The following DOK7 variants were observed in gnomAD, a reference collection of about 807,000 sequenced individuals.
The protein encoded by DOK7 is docking protein 7.
In DOK7, 32 loss-of-function variants were observed where a neutral mutation model predicts 30.7. That is an observed-to-expected ratio of 1.04 (90% CI 0.79 to 1.40). The LOEUF (loss-of-function observed/expected upper bound fraction) is 1.40. Ranked by LOEUF, DOK7 falls within the 40% of genes most tolerant of loss-of-function variation. DOK7 has a pLI of 0.00. For missense variants in DOK7, 1,007 were observed against 699.2 expected, an observed-to-expected ratio of 1.44 and a Z score of -4.97; for synonymous variants, 447 against 324.1, an observed-to-expected ratio of 1.38 and a Z score of -4.07.
chr4:3,499,268 C>T (rs926659378), downstream of DOK7, among the ~76,000 whole-genome samples: 16 of 152,092 alleles, frequency 1.1e-4, no homozygotes, highest in African/African-American at 2.9e-4. Context: ...TCTGAGGGCT[C>T]GGAGTGTGCT....
intron 2 of DOK7, among the ~76,000 whole-genome samples, chr4:3,465,366 A>G (rs1726208539): frequency 6.6e-6 from 1 of 152,176 alleles, no homozygotes; most frequent in Non-Finnish European, 1.5e-5. Context: ...CTTCCCGCTC[A>G]GCGCTGGAGA....
At chr4:3,501,050 G>A in exon 8 of DOK7, 1 of 665,430 alleles carries the variant, frequency 1.5e-6, no homozygotes, top group Non-Finnish European at 2.4e-6. Context: ...CGGCCTGAAA[G>A]AGTTGCTCTG....
In DOK7 at chr4:3,464,272, C is replaced by T. The variant is rs541369112; in HGVS notation, c.100+721C>T. ...GCATGGGGGGCTGTACGCCAGGGGG[C>T]TGCCAGAGCACCCTCCAGGACGGGT... On this transcript the variant is annotated intron_variant, in intron 2 of 6. Coordinates refer to ENST00000340083, the MANE Select transcript of DOK7 (RefSeq NM_173660.5). Among the ~76,000 whole-genome samples, 93 of 152,298 alleles carry T rather than the reference C, an allele frequency of 6.1e-4. 1 individual carries two copies. Among genetic ancestry groups the T allele is most frequent in the Non-Finnish European group, 1.0e-3 (70 of 68,002 alleles).
At chr4:3,484,955 GCA>G in intron 4 of DOK7, 1 of 880,046 alleles carries the variant, frequency 1.1e-6, no homozygotes, top group Non-Finnish European at 1.4e-6. Context: ...GCTCCAGGTG[GCA>G]CAGCTCCCTT....
At chr4:3,496,975 C>T, downstream of DOK7, 1 of 856,184 alleles carries the variant, frequency 1.2e-6, no homozygotes, top group South Asian at 1.6e-5. Flanking sequence ...GGTGGGGGGC[C>T]CACTGCCAGC....
rs756540534 is a variant in DOK7, at chr4:3,493,183, C to T, written c.1197C>T (p.Thr399=). The part of the protein sequence containing the change: ...LPGTVEYQVP[T]SLRAHYDTPR... ...GGACAGTCGAGTACCAGGTGCCCAC[C>T]TCCCTGCGGGCCCACTATGACACAC... Residue 399 remains threonine (T), a synonymous_variant, in exon 7 of 7, where the codon ACC becomes ACT. Transcript: ENST00000340083. 7 of 1,610,134 alleles carry T rather than the reference C, an allele frequency of 4.3e-6. No individual in the cohort carries two copies. In the Admixed American group the frequency reaches 8.4e-5, roughly 19 times the overall value.
At chr4:3,477,605 A>C (rs896529983) in intron 4 of DOK7, among the ~76,000 whole-genome samples, 1 of 152,230 alleles carries the variant, frequency 6.6e-6, no homozygotes, top group African/African-American at 2.4e-5. Flanking sequence ...AGGAGACGAC[A>C]TCTGACCCTT....
intron 2 of DOK7, among the ~76,000 whole-genome samples, chr4:3,469,018 G>T (rs1425129911): frequency 6.8e-6 from 1 of 147,390 alleles, no homozygotes; most frequent in African/African-American, 2.7e-5. Flanking sequence ...GTATGAGTGT[G>T]TGTGCCTGTG....
chr4:3,490,796 C>A (rs1233603726), intron 6 of DOK7, among the ~76,000 whole-genome samples: 1 of 62,296 alleles, frequency 1.6e-5, no homozygotes, highest in African/African-American at 7.4e-5. Flanking sequence ...TTCATTCCTT[C>A]CTCTGCCCCC....
At position 3,463,447 on chromosome 4, in the gene DOK7, G is replaced by C; in HGVS notation, c.54+18G>C. ...GCAAGAAGGTCGGGGCGCGTCGGGG[G>C]CGCGGGGGGGGGGGGCGCGGGCGCG... On this transcript the variant is annotated intron_variant, in intron 1 of 6. Coordinates refer to ENST00000340083, the MANE Select transcript of DOK7 (RefSeq NM_173660.5). 1 of 1,370,022 alleles carries C rather than the reference G, an allele frequency of 7.3e-7. No individual in the cohort carries two copies. 84.9% of individuals were successfully genotyped at this position (1,370,022 alleles called of 1,614,324 possible). A position where few individuals can be genotyped will look rare whatever the true frequency, so the allele number is the denominator to read the frequency against.
chr4:3,500,389 G>GC lies in DOK7; in HGVS notation c.1248dup (p.Glu417ArgfsTer119). On this transcript the variant is annotated frameshift_variant, in exon 7 of 8. Transcript: ENST00000643608. LOFTEE classifies it low-confidence loss of function (END_TRUNC). ...ATGGGCCTGGAGCTCCAGGAGGCCA[G>GC]CGAGGGTGTCCGAGGTGGGTCCCCG... The GC allele has an allele frequency of 2.0e-6, 3 of 1,535,944 alleles. No homozygotes were observed. The highest frequency in any genetic ancestry group is 2.6e-6 in the Non-Finnish European group (3 of 1,146,778).
chr4:3,489,727 GCCCTGGAAA>G lies in DOK7; in HGVS notation c.708_716del (p.Glu237_Leu239del). 1.3e-6 allele frequency: 2 copies of G among 1,566,296 alleles called. No individual in the cohort carries two copies. The highest frequency in any genetic ancestry group is 1.9e-5 in the Admixed American group (1 of 53,354). Reference sequence around the variant, plus strand: ...TGTGGAGGAGCGTGTGGCCCAGGAAGCCCTGGAAACCCTACAGCTGGAGAAGCGGCTGAG... The same window carrying G: ...TGTGGAGGAGCGTGTGGCCCAGGAAGCCCTACAGCTGGAGAAGCGGCTGAG... On this transcript the variant is annotated inframe_deletion, in exon 6 of 7. Coordinates refer to ENST00000340083, the MANE Select transcript of DOK7 (RefSeq NM_173660.5).
chr4:3,484,313 G>A (rs147478785), intron 4 of DOK7, among the ~76,000 whole-genome samples: 7 of 152,332 alleles, frequency 4.6e-5, no homozygotes, highest in East Asian at 1.9e-4. Context: ...CCTGAGTTCC[G>A]TGTCCCTGGA....
chr4:3,481,913 C>T (rs978242003), intron 4 of DOK7, among the ~76,000 whole-genome samples: 1 of 152,158 alleles, frequency 6.6e-6, no homozygotes, highest in Non-Finnish European at 1.5e-5. Context: ...GCAGGTGCGT[C>T]TGTAACGTGG....
chr4:3,500,262 C>G, exon 7 of DOK7: 2 of 1,535,772 alleles, frequency 1.3e-6, no homozygotes, highest in Non-Finnish European at 1.7e-6. Flanking sequence ...ATCCCCAGGA[C>G]CCGTGGCTGT....
chr4:3,472,976 C>T (rs987547901), intron 2 of DOK7, among the ~76,000 whole-genome samples: 13 of 152,182 alleles, frequency 8.5e-5, no homozygotes, highest in African/African-American at 2.7e-4. Context: ...GCTGGCAGGG[C>T]GGCAGGATAG....
exon 7 of DOK7, chr4:3,500,337 C>T (rs2109445749): frequency 1.3e-6 from 2 of 1,535,946 alleles, no homozygotes; most frequent in Non-Finnish European, 1.7e-6. Context: ...CCCCGTCAGC[C>T]CATCCTCCAG....
At chr4:3,464,636 G>C (rs1726172229) in intron 2 of DOK7, among the ~76,000 whole-genome samples, 1 of 152,212 alleles carries the variant, frequency 6.6e-6, no homozygotes, top group African/African-American at 2.4e-5. Context: ...GGCCGTGGTG[G>C]GGCAGGTGAT....
downstream of DOK7, among the ~76,000 whole-genome samples, chr4:3,498,373 A>T (rs1271468302): frequency 2.0e-5 from 3 of 151,582 alleles, no homozygotes; most frequent in African/African-American, 7.3e-5. Flanking sequence ...TGTTGGGAAC[A>T]TTCGTCCCCT....
Sources: allele counts gnomAD v4.1 joint callset (sites outside exome capture counted in the v4.1 genomes callset), GRCh38; gene constraint gnomAD v4.1.1; transcripts MANE v1.5; gene names NCBI Gene and HGNC (gene_info 2026-07-23, HGNC 2026-07-21).